The following PACRG variants were observed in gnomAD, a reference collection of about 807,000 sequenced individuals.
The protein encoded by PACRG is parkin coregulated gene protein.
Under a neutral mutation model 29.7 loss-of-function variants are expected in PACRG, and 29 were observed. The observed-to-expected ratio is 0.98, with a 90% confidence interval of 0.73 to 1.33. The LOEUF (loss-of-function observed/expected upper bound fraction) is 1.33, where lower values mean the gene tolerates loss of function less well. Among genes scored for constraint, PACRG ranks in the 40% most tolerant of loss-of-function variants. The pLI, the probability that PACRG is intolerant of heterozygous loss-of-function variation, is 0.00. For missense variants in PACRG, 279 were observed against 316.2 expected, an observed-to-expected ratio of 0.88 and a Z score of 0.89; for synonymous variants, 116 against 118.7, an observed-to-expected ratio of 0.98 and a Z score of 0.15.
intron 3 of PACRG, among the ~76,000 whole-genome samples, chr6:163,063,860 AG>A (rs1811301019): frequency 6.6e-6 from 1 of 152,176 alleles, no homozygotes; most frequent in African/African-American, 2.4e-5. Context: ...AAAGGCTGTC[AG>A]GGAGGGTGTA....
intron 4 of PACRG, among the ~76,000 whole-genome samples, chr6:163,240,588 G>C (rs949041597): frequency 6.6e-6 from 1 of 152,044 alleles, no homozygotes; most frequent in Admixed American, 6.5e-5. Context: ...GAGAGGGCTC[G>C]TACCCTCCTG....
intron 4 of PACRG, among the ~76,000 whole-genome samples, chr6:163,133,227 A>G (rs879744584): frequency 1.3e-5 from 2 of 152,184 alleles, no homozygotes; most frequent in African/African-American, 2.4e-5. Context: ...AGGAGTATGT[A>G]TCACTTATAC....
At chr6:162,746,015 T>C (rs927256301) in intron 1 of PACRG, among the ~76,000 whole-genome samples, 1 of 152,132 alleles carries the variant, frequency 6.6e-6, no homozygotes, top group Non-Finnish European at 1.5e-5. Flanking sequence ...AAGTTAGCCA[T>C]TGATGTGACA....
intron 4 of PACRG, among the ~76,000 whole-genome samples, chr6:163,250,887 A>G (rs1782876354): frequency 6.7e-6 from 1 of 148,950 alleles, no homozygotes; most frequent in Admixed American, 6.7e-5. Flanking sequence ...ATTGTTGTAT[A>G]TATATATATA....
chr6:163,189,557 T>A (rs1423930160), intron 4 of PACRG: 2 of 152,266 alleles, frequency 1.3e-5, no homozygotes, highest in African/African-American at 4.8e-5. Flanking sequence ...TGGCAGGGGC[T>A]GCCATCAATT....
rs1404754472 is a variant in PACRG, at chr6:163,055,315, C to T, written c.292-6835C>T. ...TATATTATTAAGACACACACATGCA[C>T]ACATATCCAGGTGTGCACACACACA... On this transcript the variant is annotated intron_variant, in intron 2 of 4. Coordinates refer to ENST00000366888, the MANE Select transcript of PACRG (RefSeq NM_001080379.2). The surrounding 1 kb of genome is among the most constrained non-coding windows in gnomAD (Gnocchi z 4.0). 6.6e-6 allele frequency among the ~76,000 whole-genome samples: 1 copy of T among 152,034 alleles called. No homozygotes were observed. The highest frequency in any genetic ancestry group is 1.9e-4 in the East Asian group (1 of 5,174).
At chr6:162,967,509 CT>C (rs796970466) in intron 2 of PACRG, among the ~76,000 whole-genome samples, 301 of 142,888 alleles carry the variant, frequency 2.1e-3, no homozygotes, top group Middle Eastern at 7.1e-3. Context: ...TGAACTTTCT[CT>C]TTTTTTTTTT....
At position 163,269,999 on chromosome 6, in the gene PACRG, GA is replaced by G. The variant is rs1562350571; in HGVS notation, c.614-44825del. 3.0e-3 allele frequency among the ~76,000 whole-genome samples: 336 copies of G among 110,282 alleles called. 27 individuals are homozygous for G. Among genetic ancestry groups the G allele is most frequent in the African/African-American group, 6.9e-3 (196 of 28,500 alleles). The allele number at this position is 110,282 out of a possible 152,430, so 72.3% of individuals were successfully genotyped here. A position where few individuals can be genotyped will look rare whatever the true frequency, so the allele number is the denominator to read the frequency against. ...AGAAAGAAAGAAAGAAAGAAAGAAAGAAAGAAAGGAGGGAGGGAGGGAGGGA... is the reference window on the plus strand; with the variant it reads ...AGAAAGAAAGAAAGAAAGAAAGAAAGAAGAAAGGAGGGAGGGAGGGAGGGA... On this transcript the variant is annotated intron_variant, in intron 4 of 4. Transcript: ENST00000366888.
chr6:163,189,390 C>T (rs1278560526), intron 4 of PACRG: 1 of 152,228 alleles, frequency 6.6e-6, no homozygotes, highest in African/African-American at 2.4e-5. Flanking sequence ...GAATTATCTT[C>T]TCTTACAGAA....
chr6:163,197,616 TTTTTTC>T (rs1302207780), intron 4 of PACRG, among the ~76,000 whole-genome samples: 5 of 151,666 alleles, frequency 3.3e-5, no homozygotes, highest in Non-Finnish European at 7.4e-5. Flanking sequence ...GCTAATTTTT[TTTTTTC>T]GTGTTTTTAG....
At chr6:163,234,303 G>A (rs115689025) in intron 4 of PACRG, among the ~76,000 whole-genome samples, 1,974 of 152,218 alleles carry the variant, frequency 0.013, 50 homozygotes, top group African/African-American at 0.045. Context: ...TCTCAGGGGA[G>A]TGACTTCTCA....
intron 4 of PACRG, among the ~76,000 whole-genome samples, chr6:163,293,057 G>T (rs548940926): frequency 6.6e-6 from 1 of 152,144 alleles, no homozygotes; most frequent in Non-Finnish European, 1.5e-5. Context: ...GGGATTATTT[G>T]AGTCACCAGA....
At chr6:162,851,959 A>G (rs973421063) in intron 2 of PACRG, among the ~76,000 whole-genome samples, 15 of 136,952 alleles carry the variant, frequency 1.1e-4, no homozygotes, top group African/African-American at 4.2e-4. Flanking sequence ...GAAGGGAGGA[A>G]GGAAGGAAGG....
chr6:162,838,525 G>T (rs1789447623), intron 2 of PACRG, among the ~76,000 whole-genome samples: 1 of 152,012 alleles, frequency 6.6e-6, no homozygotes, highest in Non-Finnish European at 1.5e-5. Flanking sequence ...TACCTCAAAG[G>T]AAAAGGGAAA....
At chr6:163,041,906 C>A (rs926774841) in intron 2 of PACRG, among the ~76,000 whole-genome samples, 2 of 152,162 alleles carry the variant, frequency 1.3e-5, no homozygotes, top group African/African-American at 4.8e-5. Flanking sequence ...GCTTTTGTTG[C>A]CCAGGCTGGA....
intron 1 of PACRG, among the ~76,000 whole-genome samples, chr6:162,788,945 C>T (rs1440131330): frequency 2.0e-5 from 3 of 151,972 alleles, no homozygotes; most frequent in Non-Finnish European, 4.4e-5. Flanking sequence ...TCTTCCAGTC[C>T]GTGGCTTGTC....
intron 2 of PACRG, among the ~76,000 whole-genome samples, chr6:162,854,875 G>GC (rs1449490049): frequency 6.6e-6 from 1 of 152,206 alleles, no homozygotes; most frequent in African/African-American, 2.4e-5. Flanking sequence ...AATTTCACAT[G>GC]GGTAGTCCCT....
At chr6:163,173,509 T>A (rs1302517771) in intron 4 of PACRG, among the ~76,000 whole-genome samples, 3 of 152,184 alleles carry the variant, frequency 2.0e-5, no homozygotes, top group African/African-American at 7.2e-5. Context: ...AATGTCCCCC[T>A]TAGAGGCATA....
chr6:163,266,904 T>C (rs1783548442), intron 4 of PACRG, among the ~76,000 whole-genome samples: 1 of 152,182 alleles, frequency 6.6e-6, no homozygotes, highest in African/African-American at 2.4e-5. Context: ...ACGTTCTTCC[T>C]TCCTGCCCAA....
Sources: allele counts gnomAD v4.1 joint callset (sites outside exome capture counted in the v4.1 genomes callset), GRCh38; gene constraint gnomAD v4.1.1; non-coding constraint Gnocchi (gnomAD v3.1); transcripts MANE v1.5; gene names NCBI Gene and HGNC (gene_info 2026-07-23, HGNC 2026-07-21).